APBB2: variants seen among roughly 807,000 people sequenced by gnomAD.
APBB2 encodes amyloid beta precursor protein binding family B member 2.
In APBB2, 38 loss-of-function variants were observed where a neutral mutation model predicts 82.5. The observed-to-expected ratio is 0.46, with a 90% confidence interval of 0.36 to 0.60. The LOEUF (loss-of-function observed/expected upper bound fraction) is 0.60, where lower values mean the gene tolerates loss of function less well. APBB2 is among the 20% of genes least tolerant of loss of function. The pLI is 0.00. For synonymous variants in APBB2, 341 were observed against 368.2 expected, an observed-to-expected ratio of 0.93 and a Z score of 0.85; for missense variants, 772 against 972.3, an observed-to-expected ratio of 0.79 and a Z score of 2.74.
rs1228185724 is a variant in APBB2, at chr4:40,811,749, T to C, written c.*4343A>G. ...AAATTATTTACCACCATATAATGCC[T>C]GAAACCATAATGAAATTTTGTTACT... On this transcript the variant is annotated 3_prime_UTR_variant, in exon 18 of 18. Coordinates refer to ENST00000508593, the MANE Select transcript of APBB2 (RefSeq NM_004307.2). The C allele has an allele frequency of 6.6e-6, 1 of 152,214 alleles. No homozygotes were observed. The highest frequency in any genetic ancestry group is 1.5e-5 in the Non-Finnish European group (1 of 68,030). The allele number at this position is 152,214 out of a possible 1,614,324, so 9.4% of individuals were successfully genotyped here.
At chr4:41,043,005 C>T (rs973945337) in intron 4 of APBB2, among the ~76,000 whole-genome samples, 15 of 152,146 alleles carry the variant, frequency 9.9e-5, no homozygotes, top group African/African-American at 3.6e-4. Flanking sequence ...ATGTGAGGAT[C>T]CTGCGGGGGG....
intron 2 of APBB2, among the ~76,000 whole-genome samples, chr4:41,109,501 C>T (rs1295465072): frequency 6.6e-6 from 1 of 151,580 alleles, no homozygotes; most frequent in Non-Finnish European, 1.5e-5. Context: ...GATGGAGTCT[C>T]GCTCTGTCAC....
chr4:41,012,921 G>A (rs187056462), intron 6 of APBB2, among the ~76,000 whole-genome samples: 2 of 152,140 alleles, frequency 1.3e-5, no homozygotes, highest in Admixed American at 6.5e-5. Flanking sequence ...TAACACCTCC[G>A]ACAAATCCAA....
chr4:41,140,789 C>T (rs922759448), intron 2 of APBB2, among the ~76,000 whole-genome samples: 2 of 152,198 alleles, frequency 1.3e-5, no homozygotes, highest in African/African-American at 4.8e-5. Context: ...GTGAACTGCA[C>T]GTGCCAGGGA....
At chr4:40,965,579 T>G (rs1165187997) in intron 6 of APBB2, among the ~76,000 whole-genome samples, 1 of 152,146 alleles carries the variant, frequency 6.6e-6, no homozygotes, top group South Asian at 2.1e-4. Flanking sequence ...ATAATAATAT[T>G]TATATGGATT....
intron 6 of APBB2, among the ~76,000 whole-genome samples, chr4:40,949,489 T>C (rs913648177): frequency 4.6e-5 from 7 of 152,028 alleles, no homozygotes; most frequent in African/African-American, 1.4e-4. Context: ...GGTCAAGTTA[T>C]CGAAATACCA....
At position 41,195,429 on chromosome 4, in the gene APBB2, T is replaced by C; in HGVS notation, c.-417+18976A>G. Among the ~76,000 whole-genome samples the C allele has an allele frequency of 8.4e-3, 1,278 of 152,230 alleles. 33 individuals carry two copies. Among genetic ancestry groups the C allele is most frequent in the African/African-American group, 0.03 (1,228 of 41,530 alleles). ...GTGCTCGCTCCACTTTGAACAAATA[T>C]TCAGAATCCAGTCATTTCTTGCCAC... is the stretch of plus-strand genomic sequence containing the variant. On this transcript the variant is annotated intron_variant, in intron 1 of 17. Transcript: ENST00000508593.
At position 40,838,272 on chromosome 4, in the gene APBB2, C is replaced by T. The variant is rs370627127; in HGVS notation, c.1530-7695G>A. Among the ~76,000 whole-genome samples the T allele has an allele frequency of 1.6e-4, 24 of 149,942 alleles. No homozygotes were observed. In the South Asian group the frequency reaches 2.9e-3, roughly 18 times the overall value. ...CCACCTCCTGGGTTCAAGTGATTCT[C>T]ATGCCTTGGCTTCTTGAGTAGCTGG... On this transcript the variant is annotated intron_variant, in intron 12 of 17. Coordinates refer to ENST00000508593, the MANE Select transcript of APBB2 (RefSeq NM_004307.2).
chr4:40,975,865 A>T (rs1486883370), intron 6 of APBB2, among the ~76,000 whole-genome samples: 1 of 151,856 alleles, frequency 6.6e-6, no homozygotes, highest in African/African-American at 2.4e-5. Flanking sequence ...CTGATTTCTT[A>T]TTTCTTAACC....
At chr4:40,838,326 C>A in intron 12 of APBB2, among the ~76,000 whole-genome samples, 1 of 108,346 alleles carries the variant, frequency 9.2e-6, no homozygotes. Context: ...CCACACATGG[C>A]TAATTTTTTT....
At chr4:41,036,466 C>T (rs1376819416) in intron 4 of APBB2, among the ~76,000 whole-genome samples, 3 of 152,196 alleles carry the variant, frequency 2.0e-5, no homozygotes, top group African/African-American at 7.2e-5. Flanking sequence ...TTACTCCATA[C>T]CTGCCATGTG....
chr4:41,208,246 T>A (rs548820906), intron 1 of APBB2, among the ~76,000 whole-genome samples: 1 of 152,300 alleles, frequency 6.6e-6, no homozygotes, highest in East Asian at 1.9e-4. Flanking sequence ...TTTTTCCTTC[T>A]ACCTCGATTC....
chr4:41,055,424 G>A (rs930996298), intron 4 of APBB2, among the ~76,000 whole-genome samples: 4 of 152,218 alleles, frequency 2.6e-5, no homozygotes, highest in African/African-American at 9.6e-5. Flanking sequence ...CCAGTGCCCA[G>A]CGCGGAGTAA....
chr4:40,937,506 A>G lies in APBB2; in HGVS notation c.1045-2367T>C, dbSNP rs113340266. ...TTATGGAAACATGAGTTAGATGGCA[A>G]ATGTCCAACAATCACCTTTTACAGA... On this transcript the variant is annotated intron_variant, in intron 7 of 17. Coordinates refer to ENST00000508593, the MANE Select transcript of APBB2 (RefSeq NM_004307.2). Among the ~76,000 whole-genome samples the G allele has an allele frequency of 6.1e-3, 927 of 152,328 alleles. 13 individuals are homozygous for G. The highest frequency in any genetic ancestry group is 0.021 in the African/African-American group (889 of 41,572).
chr4:41,132,985 A>G (rs749880108), intron 2 of APBB2, among the ~76,000 whole-genome samples: 14 of 152,250 alleles, frequency 9.2e-5, no homozygotes, highest in Non-Finnish European at 1.9e-4. Flanking sequence ...GAAAAGGAAG[A>G]AAAAGTTTTC....
At chr4:40,956,097 C>T (rs55895112) in intron 6 of APBB2, among the ~76,000 whole-genome samples, 22,449 of 152,168 alleles carry the variant, frequency 0.15, 2,143 homozygotes, top group Non-Finnish European at 0.21. Context: ...TCTGATCACA[C>T]GGTGGCCCTC....
intron 2 of APBB2, among the ~76,000 whole-genome samples, chr4:41,107,010 CAA>C (rs879357013): frequency 1.4e-5 from 2 of 141,722 alleles, no homozygotes; most frequent in Non-Finnish European, 3.1e-5. Context: ...GCAGTTTGAA[CAA>C]AAAAAAAAAG....
chr4:41,019,906 G>C (rs1579294972), intron 5 of APBB2, among the ~76,000 whole-genome samples: 1 of 148,302 alleles, frequency 6.7e-6, no homozygotes, highest in Non-Finnish European at 1.5e-5. Context: ...AAGAGACAGA[G>C]AGACAAAGAG....
chr4:40,915,886 G>A (rs1779717638), intron 10 of APBB2, among the ~76,000 whole-genome samples: 1 of 152,036 alleles, frequency 6.6e-6, no homozygotes, highest in Admixed American at 6.5e-5. Context: ...GAGAGCATTA[G>A]CCAGAGTTGT....
Sources: allele counts gnomAD v4.1 joint callset (sites outside exome capture counted in the v4.1 genomes callset), GRCh38; gene constraint gnomAD v4.1.1; transcripts MANE v1.5; gene names NCBI Gene and HGNC (gene_info 2026-07-23, HGNC 2026-07-21).